Variants in PLEKHA2 observed in about 807,000 individuals in gnomAD.
PLEKHA2 encodes the protein pleckstrin homology domain-containing family A member 2.
In PLEKHA2, 28 loss-of-function variants were observed where a neutral mutation model predicts 53.2. That is an observed-to-expected ratio of 0.53 (90% CI 0.39 to 0.72). The LOEUF (loss-of-function observed/expected upper bound fraction) is 0.72, where lower values mean the gene tolerates loss of function less well. Ranked by LOEUF, PLEKHA2 falls within the 30% of genes least tolerant of loss-of-function variation. PLEKHA2 has a pLI of 0.00. For missense variants in PLEKHA2, 426 were observed against 537.9 expected, an observed-to-expected ratio of 0.79 and a Z score of 2.06; for synonymous variants, 193 against 196.4, an observed-to-expected ratio of 0.98 and a Z score of 0.14.
At chr8:38,939,905 G>A (rs564483668) in intron 3 of PLEKHA2, among the ~76,000 whole-genome samples, 40 of 152,024 alleles carry the variant, frequency 2.6e-4, no homozygotes, top group South Asian at 2.1e-3. Flanking sequence ...CAGTAACATA[G>A]CGAGACCCTG....
intron 2 of PLEKHA2, among the ~76,000 whole-genome samples, chr8:38,931,495 G>A (rs143692605): frequency 3.5e-4 from 53 of 152,082 alleles, no homozygotes; most frequent in Admixed American, 1.3e-3. Context: ...TCTTCTACCC[G>A]ATCCTGATTC....
chr8:38,957,499 G>T lies in PLEKHA2; in HGVS notation c.837+113G>T. Reference sequence around the variant, plus strand: ...TTCATTTGCTTGAAGTTTCTAGGCAGTAAATTTAGCCCCTGAGAGTCAGTC... The same window carrying T: ...TTCATTTGCTTGAAGTTTCTAGGCATTAAATTTAGCCCCTGAGAGTCAGTC... On this transcript the variant is annotated intron_variant, in intron 10 of 11. Transcript: ENST00000617275. 3.4e-6 allele frequency: 3 copies of T among 893,922 alleles called. No individual in the cohort carries two copies. The South Asian group carries it at 4.9e-5, about 15-fold the overall frequency. 55.4% of individuals were successfully genotyped at this position (893,922 alleles called of 1,614,324 possible).
chr8:38,960,837 C>T (rs192396873), intron 10 of PLEKHA2: 181 of 152,290 alleles, frequency 1.2e-3, no homozygotes, highest in African/African-American at 4.2e-3. Flanking sequence ...GTACAATGTA[C>T]AATCTGAAGC....
chr8:38,908,929 T>A (rs10086463), intron 1 of PLEKHA2, among the ~76,000 whole-genome samples: 1 of 152,036 alleles, frequency 6.6e-6, no homozygotes, highest in African/African-American at 2.4e-5. Context: ...TGGATCATGA[T>A]GTCAGGAGAT....
intron 2 of PLEKHA2, among the ~76,000 whole-genome samples, chr8:38,933,423 A>C (rs1279343145): frequency 6.6e-6 from 1 of 152,142 alleles, no homozygotes; most frequent in Non-Finnish European, 1.5e-5. Flanking sequence ...AAATTACCCC[A>C]TGCCACTTGC....
chr8:38,912,917 C>G (rs1833975565), intron 1 of PLEKHA2, among the ~76,000 whole-genome samples: 1 of 152,174 alleles, frequency 6.6e-6, no homozygotes, highest in African/African-American at 2.4e-5. Context: ...CTGTTTTTTT[C>G]TAGGGATAGA....
In PLEKHA2 at chr8:38,952,517, T is replaced by A. The variant is rs1031751780; in HGVS notation, c.634-119T>A. ...CCTGATATGAAGAAGCCCTTGCCCC[T>A]GCTGAATGTGGGAGCCGGACTTCCA... On this transcript the variant is annotated intron_variant, in intron 7 of 11. Transcript: ENST00000617275. The A allele has an allele frequency of 5.2e-6, 7 of 1,340,670 alleles. No individual in the cohort carries two copies. In the African/African-American group the frequency reaches 1.0e-4, roughly 19 times the overall value. The allele number at this position is 1,340,670 out of a possible 1,614,324, so 83.0% of individuals were successfully genotyped here.
chr8:38,914,310 G>T (rs913271076), intron 1 of PLEKHA2, among the ~76,000 whole-genome samples: 3 of 152,250 alleles, frequency 2.0e-5, no homozygotes, highest in Non-Finnish European at 4.4e-5. Context: ...GTTCCTAGGG[G>T]CTGCCTCTCA....
At chr8:38,950,382 T>TTCTCCTCTAGAGACCTCCCTGCCC (rs1390453325) in intron 5 of PLEKHA2, among the ~76,000 whole-genome samples, 1 of 152,196 alleles carries the variant, frequency 6.6e-6, no homozygotes, top group Non-Finnish European at 1.5e-5. Flanking sequence ...TCTCCCTGCC[T>TTCTCCTCTAGAGACCTCCCTGCCC]TCTCCTCTAG....
At chr8:38,967,643 A>T (rs1044873642) in intron 10 of PLEKHA2, among the ~76,000 whole-genome samples, 6 of 149,962 alleles carry the variant, frequency 4.0e-5, no homozygotes, top group Non-Finnish European at 8.9e-5. Context: ...TGTTTTGAAA[A>T]CTATTCATGT....
At chr8:38,963,149 G>T (rs972592582) in intron 10 of PLEKHA2, among the ~76,000 whole-genome samples, 1 of 152,154 alleles carries the variant, frequency 6.6e-6, no homozygotes, top group African/African-American at 2.4e-5. Flanking sequence ...AAGCTCACTG[G>T]ACTACAATAA....
intron 9 of PLEKHA2, among the ~76,000 whole-genome samples, chr8:38,956,858 T>A (rs1834950145): frequency 6.6e-6 from 1 of 152,106 alleles, no homozygotes; most frequent in Admixed American, 6.5e-5. Context: ...GGTTTCCTCA[T>A]CTGTAAAATG....
intron 1 of PLEKHA2, among the ~76,000 whole-genome samples, chr8:38,910,969 C>T (rs1051856713): frequency 2.0e-5 from 3 of 152,134 alleles, no homozygotes; most frequent in African/African-American, 7.2e-5. Flanking sequence ...AAATTGTTGG[C>T]TGGAGTGATT....
In PLEKHA2 at chr8:38,952,254, G is replaced by T; in HGVS notation, c.575G>T (p.Arg192Leu). The T allele has an allele frequency of 6.2e-7, 1 of 1,612,650 alleles. No homozygotes were observed. Among genetic ancestry groups the T allele is most frequent in the Non-Finnish European group, 8.5e-7 (1 of 1,179,478 alleles). Residue 192 changes from arginine (R) to leucine (L), a missense_variant, in exon 7 of 12, where the codon CGT becomes CTT. Physicochemically the swap from Arg to Leu is moderately radical, Grantham distance 102. Coordinates refer to ENST00000617275, the MANE Select transcript of PLEKHA2 (RefSeq NM_021623.2). ...SQSYIPTSGCRASTGPPLIKS... is the reference protein window; with the variant it reads ...SQSYIPTSGCLASTGPPLIKS... ...AGTTACATCCCCACGTCAGGCTGCC[G>T]TGCTTCCACTGGGCCTCCCCTCATT...
chr8:38,951,020 A>C (rs759962932), intron 6 of PLEKHA2, 30 bp downstream of exon 6: 3 of 1,346,518 alleles, frequency 2.2e-6, no homozygotes, highest in South Asian at 2.4e-5. Context: ...CTGCGGGGGG[A>C]GTGGGGGTGT....
chr8:38,902,684 G>A (rs1833810485), intron 1 of PLEKHA2, among the ~76,000 whole-genome samples: 2 of 152,164 alleles, frequency 1.3e-5, no homozygotes, highest in South Asian at 2.1e-4. Flanking sequence ...TTCCGAAACA[G>A]CAAAGCAAAA....
At chr8:38,963,405 T>A (rs143979749) in intron 10 of PLEKHA2, among the ~76,000 whole-genome samples, 112 of 152,210 alleles carry the variant, frequency 7.4e-4, no homozygotes, top group East Asian at 4.0e-3. Context: ...CTATATATAT[T>A]TTTTTAAACC....
intron 9 of PLEKHA2, among the ~76,000 whole-genome samples, chr8:38,956,233 G>C (rs1312868238): frequency 6.6e-6 from 1 of 152,212 alleles, no homozygotes; most frequent in East Asian, 1.9e-4. Flanking sequence ...GTTTGTCACT[G>C]AGCATCATCT....
chr8:38,952,038 C>T, intron 6 of PLEKHA2, 128 bp from the exon 7 acceptor site: 1 of 1,226,692 alleles, frequency 8.2e-7, no homozygotes, highest in Non-Finnish European at 1.1e-6. Context: ...GCGTGAGCCA[C>T]TGTGCCCACC....
Sources: allele counts gnomAD v4.1 joint callset (sites outside exome capture counted in the v4.1 genomes callset), GRCh38; gene constraint gnomAD v4.1.1; transcripts MANE v1.5; gene names NCBI Gene and HGNC (gene_info 2026-07-23, HGNC 2026-07-21).